NRXN3: variants seen among roughly 807,000 people sequenced by gnomAD.
NRXN3 encodes the protein neurexin 3, also known as neurexin III.
A neutral mutation model predicts 137.6 loss-of-function variants in NRXN3; 32 were observed. The ratio of observed to expected loss-of-function variants is 0.23; its 90% CI spans 0.18 to 0.31. The LOEUF (loss-of-function observed/expected upper bound fraction) is 0.31, where lower values mean the gene tolerates loss of function less well. Ranked by LOEUF, NRXN3 falls within the 10% of genes least tolerant of loss-of-function variation. NRXN3 has a pLI of 1.00. For missense variants in NRXN3, 1,574 were observed against 2,062.5 expected, an observed-to-expected ratio of 0.76 and a Z score of 4.59; for synonymous variants, 798 against 784.5, an observed-to-expected ratio of 1.02 and a Z score of -0.29.
chr14:78,290,768 A>G (rs539132741), intron 3 of NRXN3, among the ~76,000 whole-genome samples: 1 of 152,102 alleles, frequency 6.6e-6, no homozygotes. Flanking sequence ...TTCAGTCTGC[A>G]TGTCTCTTGA....
intron 19 of NRXN3, among the ~76,000 whole-genome samples, chr14:79,770,140 T>G (rs1262519006): frequency 6.6e-6 from 1 of 151,744 alleles, no homozygotes; most frequent in Non-Finnish European, 1.5e-5. Context: ...CTGAGTGACC[T>G]ACAAAGAGAC....
chr14:79,532,252 A>G (rs1054367352), intron 16 of NRXN3, among the ~76,000 whole-genome samples: 21 of 152,332 alleles, frequency 1.4e-4, no homozygotes, highest in Middle Eastern at 3.4e-3. Context: ...ATACTTATCT[A>G]TGATACCTAT....
At chr14:79,223,491 T>G (rs1047602825) in intron 15 of NRXN3, among the ~76,000 whole-genome samples, 1 of 152,184 alleles carries the variant, frequency 6.6e-6, no homozygotes, top group African/African-American at 2.4e-5. Context: ...GAAATTCTTT[T>G]GACAATCTGA....
Position 79,422,236 on chromosome 14 carries a change from T to C in NRXN3, c.3263-44985T>C, listed in dbSNP as rs556132567. Among the ~76,000 whole-genome samples, 17 of 151,146 alleles carry C rather than the reference T, an allele frequency of 1.1e-4. No homozygotes were observed. The East Asian group carries it at 3.3e-3, about 30-fold the overall frequency. On this transcript the variant is annotated intron_variant, in intron 15 of 20. Coordinates refer to ENST00000335750, the MANE Select transcript of NRXN3 (RefSeq NM_001330195.2). ...ACCACCCCCAGCAATTTTTTTTTTG[T>C]CTTTTTTGTAGAGATGGAGGTCTCA...
At chr14:79,358,304 T>A (rs1314618233) in intron 15 of NRXN3, among the ~76,000 whole-genome samples, 1 of 152,018 alleles carries the variant, frequency 6.6e-6, no homozygotes, top group Non-Finnish European at 1.5e-5. Context: ...GGCTCACGCC[T>A]GTAATCCCAG....
At chr14:78,627,104 T>TTCTCTCTCTCTCTC (rs68104206) in intron 4 of NRXN3, among the ~76,000 whole-genome samples, 85 of 121,092 alleles carry the variant, frequency 7.0e-4, no homozygotes, top group African/African-American at 2.4e-3. Flanking sequence ...CCTCCCTCCC[T>TTCTCTCTCTCTCTC]TCTCTCTCTC....
chr14:79,415,373 A>G (rs1234520379), intron 15 of NRXN3, among the ~76,000 whole-genome samples: 1 of 152,152 alleles, frequency 6.6e-6, no homozygotes, highest in Non-Finnish European at 1.5e-5. Flanking sequence ...CCTAAACGAT[A>G]CAGTGTAACA....
At chr14:78,438,531 A>G (rs1342861189) in intron 4 of NRXN3, among the ~76,000 whole-genome samples, 1 of 151,586 alleles carries the variant, frequency 6.6e-6, no homozygotes, top group African/African-American at 2.4e-5. Context: ...TAATCTAATA[A>G]CTGCCCAATC....
At chr14:79,716,034 C>T (rs2154056892) in intron 19 of NRXN3, among the ~76,000 whole-genome samples, 2 of 152,308 alleles carry the variant, frequency 1.3e-5, no homozygotes, top group Middle Eastern at 3.4e-3. Flanking sequence ...AAAGATAGGT[C>T]ATTCCAAGAG....
At chr14:78,914,662 C>G (rs1030122291) in intron 10 of NRXN3, among the ~76,000 whole-genome samples, 7 of 152,036 alleles carry the variant, frequency 4.6e-5, no homozygotes, top group Non-Finnish European at 1.5e-5. Flanking sequence ...GGTCGTGTGG[C>G]TAAAGCAAAG....
intron 1 of NRXN3, among the ~76,000 whole-genome samples, chr14:78,219,344 G>C (rs2063601156): frequency 6.6e-6 from 1 of 152,124 alleles, no homozygotes; most frequent in South Asian, 2.1e-4. Context: ...CTGAGATTTT[G>C]GTTTCCAGGA....
intron 6 of NRXN3, among the ~76,000 whole-genome samples, chr14:78,705,025 C>T (rs1365675430): frequency 1.3e-5 from 2 of 152,174 alleles, no homozygotes; most frequent in Admixed American, 6.5e-5. Flanking sequence ...GCATGAGTCA[C>T]GTGTCCAAAC....
intron 19 of NRXN3, among the ~76,000 whole-genome samples, chr14:79,747,830 G>A (rs992465824): frequency 2.0e-5 from 3 of 152,128 alleles, no homozygotes; most frequent in Admixed American, 2.0e-4. Context: ...GTCAAACTTA[G>A]GTGGCTCGGT....
chr14:79,066,147 T>G (rs2099680468), intron 15 of NRXN3, among the ~76,000 whole-genome samples: 1 of 152,156 alleles, frequency 6.6e-6, no homozygotes, highest in Admixed American at 6.5e-5. Flanking sequence ...TTTTAACCCA[T>G]CTTGAGTTAA....
At chr14:78,998,163 T>C (rs2099533905) in intron 15 of NRXN3, among the ~76,000 whole-genome samples, 1 of 152,242 alleles carries the variant, frequency 6.6e-6, no homozygotes, top group Admixed American at 6.5e-5. Flanking sequence ...CATTGTTTCA[T>C]GTGTTGTCAT....
intron 15 of NRXN3, among the ~76,000 whole-genome samples, chr14:79,200,214 G>A (rs2065773161): frequency 6.6e-6 from 1 of 152,194 alleles, no homozygotes; most frequent in African/African-American, 2.4e-5. Flanking sequence ...TTATCAGTGG[G>A]AAATCCTGAA....
chr14:78,379,231 AG>A (rs1184390729), intron 4 of NRXN3, among the ~76,000 whole-genome samples: 1 of 152,228 alleles, frequency 6.6e-6, no homozygotes, highest in Non-Finnish European at 1.5e-5. Flanking sequence ...TCTAGAAAAT[AG>A]AAAAGGAGAA....
chr14:79,768,361 T>TTAAG (rs777429269), intron 19 of NRXN3, among the ~76,000 whole-genome samples: 1 of 152,198 alleles, frequency 6.6e-6, no homozygotes, highest in Non-Finnish European at 1.5e-5. Context: ...CTCTGCAGAC[T>TTAAG]TAAGTATCCC....
chr14:79,524,974 G>A (rs1202421063), intron 16 of NRXN3, among the ~76,000 whole-genome samples: 1 of 152,038 alleles, frequency 6.6e-6, no homozygotes, highest in African/African-American at 2.4e-5. Flanking sequence ...TTCTGGGTAG[G>A]GGGCAAAACT....
Sources: allele counts gnomAD v4.1 joint callset (sites outside exome capture counted in the v4.1 genomes callset), GRCh38; gene constraint gnomAD v4.1.1; transcripts MANE v1.5; gene names NCBI Gene and HGNC (gene_info 2026-07-23, HGNC 2026-07-21).